The following LARGE1 variants were observed in gnomAD, a reference collection of about 807,000 sequenced individuals.
LARGE1 encodes LARGE xylosyl- and glucuronyltransferase 1.
In LARGE1, 43 loss-of-function variants were observed where a neutral mutation model predicts 87.6. The ratio of observed to expected loss-of-function variants is 0.49; its 90% CI spans 0.38 to 0.63. The LOEUF is 0.63. Among genes scored for constraint, LARGE1 ranks in the 30% least tolerant of loss-of-function variants. The pLI is 0.00. For missense variants in LARGE1, 802 were observed against 1,000.2 expected, an observed-to-expected ratio of 0.80 and a Z score of 2.67; for synonymous variants, 434 against 394.6, an observed-to-expected ratio of 1.10 and a Z score of -1.18.
At chr22:33,098,297 G>A in the LARGE1 span, among the ~76,000 whole-genome samples, 1 of 151,918 alleles carries the variant, frequency 6.6e-6, no homozygotes, top group African/African-American at 2.4e-5. Flanking sequence ...AGGAAGACCC[G>A]GTCTCAAAAA....
chr22:33,413,208 C>T (rs1008750991), intron 7 of LARGE1, among the ~76,000 whole-genome samples: 1 of 152,122 alleles, frequency 6.6e-6, no homozygotes, highest in Non-Finnish European at 1.5e-5. Context: ...TCACTAGTAA[C>T]TGGCAATGTC....
the LARGE1 span, among the ~76,000 whole-genome samples, chr22:33,144,675 AG>A: frequency 2.6e-4 from 39 of 152,252 alleles, no homozygotes; most frequent in African/African-American, 7.9e-4. Context: ...AAAATGCCAA[AG>A]GTGGTGGAAA....
At chr22:33,857,674 T>C (rs369977084) in intron 1 of LARGE1, among the ~76,000 whole-genome samples, 1 of 152,304 alleles carries the variant, frequency 6.6e-6, no homozygotes, top group Non-Finnish European at 1.5e-5. Flanking sequence ...ACCATATTAC[T>C]GCACACCCAG....
chr22:33,442,817 G>C (rs1601857119), intron 6 of LARGE1, among the ~76,000 whole-genome samples: 1 of 149,844 alleles, frequency 6.7e-6, no homozygotes, highest in African/African-American at 2.5e-5. Context: ...TTTTGAGATG[G>C]AGTCTCGCTC....
At chr22:33,843,356 G>A (rs796497833) in intron 1 of LARGE1, among the ~76,000 whole-genome samples, 2 of 151,634 alleles carry the variant, frequency 1.3e-5, no homozygotes. Context: ...AGAATCGCCC[G>A]ACCCCAGGAG....
intron 7 of LARGE1, among the ~76,000 whole-genome samples, chr22:33,415,604 C>A (rs114460068): frequency 6.6e-6 from 1 of 152,096 alleles, no homozygotes; most frequent in Non-Finnish European, 1.5e-5. Context: ...TTAATTAGAG[C>A]CCCCACCAAG....
chr22:33,338,685 T>A (rs1425026070), intron 9 of LARGE1, among the ~76,000 whole-genome samples: 2 of 152,200 alleles, frequency 1.3e-5, no homozygotes, highest in African/African-American at 4.8e-5. Flanking sequence ...TAGCACATGG[T>A]AAGTGCTCAG....
At chr22:33,897,406 G>A (rs2065173450) in intron 1 of LARGE1, among the ~76,000 whole-genome samples, 1 of 152,180 alleles carries the variant, frequency 6.6e-6, no homozygotes, top group Non-Finnish European at 1.5e-5. Context: ...GGCAGAATAA[G>A]GGGTTCCTTC....
chr22:33,303,154 T>C (rs1329886590), intron 12 of LARGE1, among the ~76,000 whole-genome samples: 1 of 152,206 alleles, frequency 6.6e-6, no homozygotes, highest in Non-Finnish European at 1.5e-5. Context: ...CTGTAATAAA[T>C]GCACTCTTCA....
chr22:33,456,793 G>A (rs987805334), intron 6 of LARGE1, among the ~76,000 whole-genome samples: 2 of 152,132 alleles, frequency 1.3e-5, no homozygotes, highest in Non-Finnish European at 2.9e-5. Context: ...CTCAACATGC[G>A]GTCCAGTGCC....
At chr22:33,628,562 C>A (rs2080003578) in intron 3 of LARGE1, among the ~76,000 whole-genome samples, 1 of 152,122 alleles carries the variant, frequency 6.6e-6, no homozygotes, top group South Asian at 2.1e-4. Flanking sequence ...GTGATCCACT[C>A]ACCTTGACCT....
intron 5 of LARGE1, among the ~76,000 whole-genome samples, chr22:33,581,484 T>A (rs180915905): frequency 6.8e-4 from 104 of 152,242 alleles, no homozygotes; most frequent in African/African-American, 2.5e-3. Flanking sequence ...AGTTATTTTG[T>A]TGACCTGGCT....
At chr22:33,406,312 C>T (rs2066097537) in intron 7 of LARGE1, among the ~76,000 whole-genome samples, 1 of 152,102 alleles carries the variant, frequency 6.6e-6, no homozygotes, top group Admixed American at 6.5e-5. Flanking sequence ...CCATTCTGTC[C>T]AACATTCTGC....
chr22:33,627,479 C>T (rs2079959138), intron 3 of LARGE1, among the ~76,000 whole-genome samples: 1 of 152,224 alleles, frequency 6.6e-6, no homozygotes, highest in African/African-American at 2.4e-5. Context: ...GCATTCAATA[C>T]TTCCATTAAA....
chr22:33,114,881 G>A, the LARGE1 span, among the ~76,000 whole-genome samples: 60 of 152,272 alleles, frequency 3.9e-4, no homozygotes, highest in African/African-American at 1.4e-3. Context: ...TAAAACAGAT[G>A]TTCTATGCAA....
intron 12 of LARGE1, among the ~76,000 whole-genome samples, chr22:33,294,132 G>A (rs1374347139): frequency 6.6e-6 from 1 of 152,236 alleles, no homozygotes; most frequent in African/African-American, 2.4e-5. Flanking sequence ...AGGGGTTGGG[G>A]AATTCCCCAT....
the LARGE1 span, among the ~76,000 whole-genome samples, chr22:33,087,859 G>A: frequency 3.3e-5 from 5 of 152,136 alleles, no homozygotes; most frequent in African/African-American, 9.7e-5. Context: ...CCCTTGAATC[G>A]GGAGGTGGAA....
At chr22:33,522,296 T>C (rs5994769) in intron 6 of LARGE1, among the ~76,000 whole-genome samples, 1,706 of 152,330 alleles carry the variant, frequency 0.011, 36 homozygotes, top group African/African-American at 0.04. Context: ...CACAGGCATT[T>C]TGTAGACGTT....
chr22:33,346,393 C>T (rs532805941), intron 9 of LARGE1, among the ~76,000 whole-genome samples: 1 of 152,180 alleles, frequency 6.6e-6, no homozygotes, highest in East Asian at 1.9e-4. Context: ...ATCTCCACCT[C>T]CCCGGTTTAA....
Sources: allele counts gnomAD v4.1 joint callset (sites outside exome capture counted in the v4.1 genomes callset), GRCh38; gene constraint gnomAD v4.1.1; transcripts MANE v1.5; gene names NCBI Gene and HGNC (gene_info 2026-07-23, HGNC 2026-07-21).